Variants in MAN1C1 observed in about 807,000 individuals in gnomAD.
MAN1C1 encodes mannosidase alpha class 1C member 1.
In MAN1C1, 49 loss-of-function variants were observed where a neutral mutation model predicts 71.5. The observed-to-expected ratio is 0.69, with a 90% CI of 0.54 to 0.87. The LOEUF (loss-of-function observed/expected upper bound fraction) is 0.87. Among genes scored for constraint, MAN1C1 ranks in the 40% least tolerant of loss-of-function variants. The pLI, the probability that MAN1C1 is intolerant of heterozygous loss-of-function variation, is 0.00. For missense variants in MAN1C1, 743 were observed against 835.0 expected, an observed-to-expected ratio of 0.89 and a Z score of 1.36; for synonymous variants, 352 against 343.7, an observed-to-expected ratio of 1.02 and a Z score of -0.27.
chr1:25,643,730 C>G (rs1415543432), intron 1 of MAN1C1, among the ~76,000 whole-genome samples: 1 of 151,836 alleles, frequency 6.6e-6, no homozygotes, highest in African/African-American at 2.4e-5. Flanking sequence ...TGGTCTCGAA[C>G]TCCTGAGCTC....
chr1:25,724,411 A>G (rs1444148168), intron 2 of MAN1C1, among the ~76,000 whole-genome samples: 1 of 152,076 alleles, frequency 6.6e-6, no homozygotes, highest in Non-Finnish European at 1.5e-5. Flanking sequence ...GGCTTGGACA[A>G]CTGGGCCAAC....
intron 2 of MAN1C1, among the ~76,000 whole-genome samples, chr1:25,721,769 C>T (rs1216384514): frequency 6.6e-6 from 1 of 152,152 alleles, no homozygotes; most frequent in African/African-American, 2.4e-5. Context: ...CTCTCTTGCC[C>T]AGTTGCTCTG....
intron 1 of MAN1C1, among the ~76,000 whole-genome samples, chr1:25,650,469 A>G (rs1193362964): frequency 6.6e-6 from 1 of 152,176 alleles, no homozygotes; most frequent in Non-Finnish European, 1.5e-5. Flanking sequence ...ACTTCCACGT[A>G]ACTCTTGCTT....
At chr1:25,663,131 T>C (rs929340420) in intron 1 of MAN1C1, among the ~76,000 whole-genome samples, 265 of 148,136 alleles carry the variant, frequency 1.8e-3, no homozygotes, top group African/African-American at 4.2e-3. Flanking sequence ...TTTATTTATT[T>C]ATATTATTTA....
At chr1:25,701,477 A>G (rs1156286481) in intron 2 of MAN1C1, among the ~76,000 whole-genome samples, 1 of 152,188 alleles carries the variant, frequency 6.6e-6, no homozygotes, top group Non-Finnish European at 1.5e-5. Context: ...CACCTGGCAA[A>G]GAGGTGTGCA....
chr1:25,688,763 G>T (rs1173763903), intron 2 of MAN1C1, among the ~76,000 whole-genome samples: 1 of 152,178 alleles, frequency 6.6e-6, no homozygotes, highest in Non-Finnish European at 1.5e-5. Flanking sequence ...ATTCATATGG[G>T]ACTGCTATAA....
chr1:25,761,967 A>C (rs1349272989), intron 6 of MAN1C1, among the ~76,000 whole-genome samples: 1 of 152,062 alleles, frequency 6.6e-6, no homozygotes, highest in Non-Finnish European at 1.5e-5. Flanking sequence ...CATTGCACTT[A>C]TAAGTGAGAT....
intron 2 of MAN1C1, among the ~76,000 whole-genome samples, chr1:25,712,305 G>A (rs371397802): frequency 6.6e-6 from 1 of 152,192 alleles, no homozygotes; most frequent in Admixed American, 6.5e-5. Context: ...TAACGTGCCC[G>A]TTAGGCACCT....
intron 2 of MAN1C1, among the ~76,000 whole-genome samples, chr1:25,704,684 G>A (rs1557772812): frequency 6.6e-6 from 1 of 152,344 alleles, no homozygotes; most frequent in East Asian, 1.9e-4. Context: ...GGCTGATCCT[G>A]TTAAAATGTC....
chr1:25,710,407 G>A (rs2046598188), intron 2 of MAN1C1, among the ~76,000 whole-genome samples: 1 of 152,234 alleles, frequency 6.6e-6, no homozygotes, highest in South Asian at 2.1e-4. Context: ...CCTGCTGGCT[G>A]ACAAATGGTA....
At chr1:25,771,819 C>A (rs760581590) in intron 8 of MAN1C1, 47 bp downstream of exon 8, 15 of 1,495,186 alleles carry the variant, frequency 1.0e-5, no homozygotes, top group African/African-American at 1.4e-5. Context: ...CACCAGCCCC[C>A]GGCTCTCTCA....
In MAN1C1 at chr1:25,764,710, G is replaced by T. The variant is rs922481137; in HGVS notation, c.1141+743G>T. Among the ~76,000 whole-genome samples the T allele has an allele frequency of 6.6e-6, 1 of 151,708 alleles. No individual in the cohort carries two copies. Among genetic ancestry groups the T allele is most frequent in the Non-Finnish European group, 1.5e-5 (1 of 67,950 alleles). ...TGGGATTACAGGCGTGAGCCACCAC[G>T]CCTGGCTCCAACTTTAATTTAAAAA... On this transcript the variant is annotated intron_variant, in intron 7 of 11. Coordinates refer to ENST00000374332, the MANE Select transcript of MAN1C1 (RefSeq NM_020379.4). The surrounding 1 kb of genome is among the most constrained non-coding windows in gnomAD (Gnocchi z 4.4).
intron 2 of MAN1C1, among the ~76,000 whole-genome samples, chr1:25,733,839 G>A (rs1271616242): frequency 4.7e-5 from 7 of 150,092 alleles, no homozygotes; most frequent in African/African-American, 1.5e-4. Flanking sequence ...TTTCTCTGTC[G>A]CCCAGGCTGG....
At chr1:25,672,042 C>T (rs1013901260) in intron 1 of MAN1C1, among the ~76,000 whole-genome samples, 36 of 152,344 alleles carry the variant, frequency 2.4e-4, no homozygotes, top group African/African-American at 7.5e-4. Context: ...CCAAGCCCAA[C>T]GGCCTGGGAA....
intron 2 of MAN1C1, among the ~76,000 whole-genome samples, chr1:25,689,319 A>T (rs2046275746): frequency 6.6e-6 from 1 of 152,136 alleles, no homozygotes; most frequent in South Asian, 2.1e-4. Flanking sequence ...CTTCCGGCAG[A>T]CCTGATTTAA....
chr1:25,690,289 T>TG (rs1491141165), intron 2 of MAN1C1, among the ~76,000 whole-genome samples: 2 of 99,944 alleles, frequency 2.0e-5, no homozygotes, highest in Admixed American at 2.3e-4. Context: ...TCTCTGCCTC[T>TG]TTTTTTTTTT....
chr1:25,642,354 T>G, intron 1 of MAN1C1, among the ~76,000 whole-genome samples: 1 of 152,168 alleles, frequency 6.6e-6, no homozygotes, highest in East Asian at 1.9e-4. Flanking sequence ...CCTAACCCAG[T>G]CCCAGGTGGT....
Position 25,783,909 on chromosome 1 carries a change from G to A in MAN1C1, c.*120G>A. ...CATCTCGGGCAGACCCCCAGCAGAT[G>A]TGTCGGACAAGCAACTTCTTTTCCT... On this transcript the variant is annotated 3_prime_UTR_variant, in exon 12 of 12. Coordinates refer to ENST00000374332, the MANE Select transcript of MAN1C1 (RefSeq NM_020379.4). 1 of 1,333,484 alleles carries A rather than the reference G, an allele frequency of 7.5e-7. No individual in the cohort carries two copies. Among genetic ancestry groups the A allele is most frequent in the Non-Finnish European group, 1.0e-6 (1 of 993,270 alleles). The allele number at this position is 1,333,484 out of a possible 1,614,324, so 82.6% of individuals were successfully genotyped here. A position where few individuals can be genotyped will look rare whatever the true frequency, so the allele number is the denominator to read the frequency against.
intron 2 of MAN1C1, among the ~76,000 whole-genome samples, chr1:25,719,424 T>C (rs896524234): frequency 4.7e-5 from 7 of 149,806 alleles, no homozygotes; most frequent in Non-Finnish European, 1.0e-4. Flanking sequence ...TATTTATTTA[T>C]TTATTTATTT....
Sources: gnomAD v4.1 joint callset for allele counts (sites outside exome capture counted in the v4.1 genomes callset) on GRCh38, gnomAD v4.1.1 for gene constraint, Gnocchi (gnomAD v3.1) non-coding constraint, MANE v1.5 for transcripts, NCBI Gene and HGNC (gene_info 2026-07-23, HGNC 2026-07-21) for gene names.